TFCP2: variants seen among roughly 807,000 people sequenced by gnomAD.
TFCP2 encodes transcription factor CP2, also known as alpha-globin transcription factor CP2.
In TFCP2, 33 loss-of-function variants were observed where a neutral mutation model predicts 73.4. The observed-to-expected ratio is 0.45, with a 90% CI of 0.34 to 0.60. TFCP2 has a LOEUF of 0.60. Ranked by LOEUF, TFCP2 falls within the 20% of genes least tolerant of loss-of-function variation. TFCP2 has a pLI of 0.01. For missense variants in TFCP2, 352 were observed against 604.0 expected (o/e 0.58, Z 4.37); for synonymous variants, 193 against 211.6 (o/e 0.91, Z 0.76).
At chr12:51,130,502 T>C (rs1940917249) in intron 1 of TFCP2, among the ~76,000 whole-genome samples, 1 of 151,730 alleles carries the variant, frequency 6.6e-6, no homozygotes, top group Admixed American at 6.6e-5. Context: ...TTGGACTGTG[T>C]TTAGGGATCC....
Position 51,101,864 on chromosome 12 carries a change from T to G in TFCP2, c.1151+71A>C, listed in dbSNP as rs113402282. ...AGGTGTATTTAGCTGTGTAGAGTAT[T>G]GTGAAGAATTCCTGAATCCAAATCC... is the stretch of plus-strand genomic sequence containing the variant. On this transcript the variant is annotated intron_variant, in intron 11 of 14. Coordinates refer to ENST00000257915, the MANE Select transcript of TFCP2 (RefSeq NM_005653.5). 6 of 933,414 alleles carry G rather than the reference T, an allele frequency of 6.4e-6. No homozygotes were observed. In the African/African-American group the frequency reaches 8.1e-5, roughly 13 times the overall value. 57.8% of individuals were successfully genotyped at this position (933,414 alleles called of 1,614,324 possible).
At chr12:51,159,719 C>T (rs1451315986) in intron 1 of TFCP2, among the ~76,000 whole-genome samples, 2 of 151,914 alleles carry the variant, frequency 1.3e-5, no homozygotes, top group East Asian at 3.9e-4. Context: ...AACTCCCAGG[C>T]TCAAGCAATC....
rs1206390277 is a variant in TFCP2 at position 51,122,726 on chromosome 12, C to T, written c.123-3954G>A. Among the ~76,000 whole-genome samples the T allele has an allele frequency of 2.6e-5, 4 of 152,066 alleles. No homozygotes were observed. The South Asian group carries it at 6.2e-4, about 24-fold the overall frequency. On this transcript the variant is annotated intron_variant, in intron 1 of 14. Coordinates refer to ENST00000257915, the MANE Select transcript of TFCP2 (RefSeq NM_005653.5). ...TCCACATGAAACATATTATTGTTCC[C>T]TTCAGACTATTTACAACTGTAGAAA...
chr12:51,142,529 T>A (rs532253029), intron 1 of TFCP2, among the ~76,000 whole-genome samples: 36 of 152,180 alleles, frequency 2.4e-4, no homozygotes, highest in Non-Finnish European at 4.9e-4. Context: ...CAACGAAGGC[T>A]AAGTTCCTCC....
intron 1 of TFCP2, among the ~76,000 whole-genome samples, chr12:51,160,133 ATTTTTTT>A (rs372316760): frequency 7.9e-6 from 1 of 126,374 alleles, no homozygotes; most frequent in Non-Finnish European, 1.6e-5. Context: ...TCCTCTCTGA[ATTTTTTT>A]TTTTTTTTTT....
Position 51,148,699 on chromosome 12 carries a change from C to CAA in TFCP2, c.122+23600_122+23601dup, listed in dbSNP as rs140565414. On this transcript the variant is annotated intron_variant, in intron 1 of 14. Coordinates refer to ENST00000257915, the MANE Select transcript of TFCP2 (RefSeq NM_005653.5). ...TAGGCAACAGAGTGAGACTCTGTCT[C>CAA]AAAAAAAAAAAAAAAAGAAAAAGAA... 6.4e-3 allele frequency among the ~76,000 whole-genome samples: 642 copies of CAA among 99,958 alleles called. 9 individuals carry two copies. Among genetic ancestry groups the CAA allele is most frequent in the African/African-American group, 0.019 (470 of 25,152 alleles). The allele number at this position is 99,958 out of a possible 152,430, so 65.6% of individuals were successfully genotyped here. A position where few individuals can be genotyped will look rare whatever the true frequency, so the allele number is the denominator to read the frequency against.
At chr12:51,154,546 TA>T (rs1232753247) in intron 1 of TFCP2, among the ~76,000 whole-genome samples, 1 of 152,096 alleles carries the variant, frequency 6.6e-6, no homozygotes, top group Non-Finnish European at 1.5e-5. Flanking sequence ...ATACAGAAAT[TA>T]GCCAGGCGTG....
chr12:51,124,747 C>T (rs756254343), intron 1 of TFCP2: 5 of 738,430 alleles, frequency 6.8e-6, no homozygotes, highest in East Asian at 2.6e-5. Context: ...GCAGAGATCA[C>T]GGCTGCCTTT....
At chr12:51,172,224 C>T (rs183899770) in intron 1 of TFCP2, 77 bp downstream of exon 1, 3 of 1,577,226 alleles carry the variant, frequency 1.9e-6, no homozygotes, top group African/African-American at 1.4e-5. Context: ...ACACCTCCTT[C>T]CCACTCAACC....
chr12:51,094,865 A>C lies in TFCP2; in HGVS notation c.*376T>G. The C allele has an allele frequency of 5.0e-6, 1 of 200,006 alleles. No homozygotes were observed. Among genetic ancestry groups the C allele is most frequent in the South Asian group, 1.3e-4 (1 of 7,554 alleles). The allele number at this position is 200,006 out of a possible 1,614,324, so 12.4% of individuals were successfully genotyped here. A position where few individuals can be genotyped will look rare whatever the true frequency, so the allele number is the denominator to read the frequency against. On this transcript the variant is annotated 3_prime_UTR_variant, in exon 15 of 15. Coordinates refer to ENST00000257915, the MANE Select transcript of TFCP2 (RefSeq NM_005653.5). ...TGAATATAGATACCCATTTTTATAT[A>C]AGAAAAAAATTACAGGGCTCCATAT...
At position 51,106,500 on chromosome 12, in the gene TFCP2, AG is replaced by A. The variant is rs1253014515; in HGVS notation, c.917+24del. 2.6e-6 allele frequency: 4 copies of A among 1,568,258 alleles called. No homozygotes were observed. In the South Asian group the frequency reaches 4.6e-5, roughly 18 times the overall value. On this transcript the variant is annotated intron_variant, in intron 8 of 14. Coordinates refer to ENST00000257915, the MANE Select transcript of TFCP2 (RefSeq NM_005653.5). ...AGAATATATATTTTGGACAAATATAAGCCAATTTTATTTCCCAGACTTACCC... is the reference window on the plus strand; with the variant it reads ...AGAATATATATTTTGGACAAATATAACCAATTTTATTTCCCAGACTTACCC...
chr12:51,131,765 C>G (rs1295996282), intron 1 of TFCP2, among the ~76,000 whole-genome samples: 1 of 152,146 alleles, frequency 6.6e-6, no homozygotes, highest in Non-Finnish European at 1.5e-5. Flanking sequence ...TAAGTACCAG[C>G]TACTATTCTA....
intron 6 of TFCP2, among the ~76,000 whole-genome samples, chr12:51,108,348 T>C (rs190066410): frequency 9.5e-4 from 144 of 151,968 alleles, no homozygotes; most frequent in Non-Finnish European, 1.7e-3. Context: ...ATGACAGTGG[T>C]TTCCTCTGGG....
chr12:51,103,754 G>T lies in TFCP2; in HGVS notation c.976C>A (p.Pro326Thr). 1.2e-6 allele frequency: 2 copies of T among 1,613,000 alleles called. No individual in the cohort carries two copies. Among genetic ancestry groups the T allele is most frequent in the Non-Finnish European group, 1.7e-6 (2 of 1,179,676 alleles). Residue 326 changes from proline (P) to threonine (T), a missense_variant, in exon 10 of 15, where the codon CCA becomes ACA. Coordinates refer to ENST00000257915, the MANE Select transcript of TFCP2 (RefSeq NM_005653.5). ...PPPPVTDNLL[P>T]TTTPQEAQQW... ...TGAGCTTCCTGAGGTGTGGTTGTTG[G>T]TAAGAGGTTCTGAAAGGGAGAGCAC... is the stretch of plus-strand genomic sequence containing the variant.
chr12:51,124,695 A>G, intron 1 of TFCP2: 1 of 662,278 alleles, frequency 1.5e-6, no homozygotes, highest in Non-Finnish European at 2.8e-6. Flanking sequence ...CGCGGTGGCC[A>G]GTGAGTTGGC....
At chr12:51,095,603 T>A (rs1396525656) in intron 14 of TFCP2, among the ~76,000 whole-genome samples, 1 of 151,870 alleles carries the variant, frequency 6.6e-6, no homozygotes, top group East Asian at 1.9e-4. Flanking sequence ...TCGCTTGAGG[T>A]CAGGAGTTCG....
At chr12:51,164,281 G>C (rs1407904830) in intron 1 of TFCP2, among the ~76,000 whole-genome samples, 1 of 151,842 alleles carries the variant, frequency 6.6e-6, no homozygotes, top group African/African-American at 2.4e-5. Flanking sequence ...CCAAAAATTT[G>C]TTATTTAAAA....
intron 8 of TFCP2, 97 bp downstream of exon 8, chr12:51,106,428 T>A: frequency 1.2e-6 from 1 of 860,382 alleles, no homozygotes; most frequent in Non-Finnish European, 1.8e-6. Context: ...ACCAAATAGA[T>A]ATACTTATTG....
At chr12:51,124,405 TTTTC>T (rs1470879548) in intron 1 of TFCP2, among the ~76,000 whole-genome samples, 1 of 152,192 alleles carries the variant, frequency 6.6e-6, no homozygotes, top group African/African-American at 2.4e-5. Context: ...TTGGTTATTT[TTTTC>T]TTTTCTTCTT....
Sources: allele counts gnomAD v4.1 joint callset (sites outside exome capture counted in the v4.1 genomes callset), GRCh38; gene constraint gnomAD v4.1.1; transcripts MANE v1.5; gene names NCBI Gene and HGNC (gene_info 2026-07-23, HGNC 2026-07-21).